Variants in RAB23 observed in about 807,000 individuals in gnomAD.
The protein encoded by RAB23 is ras-related protein Rab-23.
Under a neutral mutation model 30.0 loss-of-function variants are expected in RAB23, and 15 were observed. The ratio of observed to expected loss-of-function variants is 0.50; its 90% CI spans 0.33 to 0.77. The LOEUF is 0.77. Among genes scored for constraint, RAB23 ranks in the 30% least tolerant of loss-of-function variants. The probability of loss-of-function intolerance (pLI) is 0.02; values close to 1 mark genes in which losing one functional copy is unlikely to be tolerated. For synonymous variants in RAB23, 93 were observed against 94.0 expected (o/e 0.99, Z 0.06); for missense variants, 243 against 275.4 (o/e 0.88, Z 0.83).
intron 3 of RAB23, among the ~76,000 whole-genome samples, chr6:57,197,668 C>G (rs970819734): frequency 6.6e-6 from 1 of 152,140 alleles, no homozygotes; most frequent in African/African-American, 2.4e-5. Context: ...AGAAAGAAAA[C>G]AGCAGTTTGC....
intron 4 of RAB23, among the ~76,000 whole-genome samples, chr6:57,195,529 TCCACTAATATGCA>T (rs1764989601): frequency 6.6e-6 from 1 of 152,208 alleles, no homozygotes; most frequent in East Asian, 1.9e-4. Context: ...GGTCTGGGTG[TCCACTAATATGCA>T]ATACAAGGGA....
At position 57,191,216 on chromosome 6, in the gene RAB23, A is replaced by G. The variant is rs186318153; in HGVS notation, c.575-616T>C. Among the ~76,000 whole-genome samples the G allele has an allele frequency of 1.2e-4, 19 of 152,296 alleles. No homozygotes were observed. In the East Asian group the frequency reaches 3.3e-3, roughly 26 times the overall value. On this transcript the variant is annotated intron_variant, in intron 6 of 6. Transcript: ENST00000468148. ...AAGTTCCAAGGCTGTAAAAGAGGTC[A>G]CATTAGGGCTCTTTTTTACCCAGAT...
chr6:57,217,417 T>A (rs1765890166), intron 1 of RAB23, among the ~76,000 whole-genome samples: 1 of 152,084 alleles, frequency 6.6e-6, no homozygotes, highest in African/African-American at 2.4e-5. Context: ...GTTCAAACAA[T>A]CCTGCCTCAG....
At chr6:57,197,466 T>C (rs1450511740) in intron 3 of RAB23, among the ~76,000 whole-genome samples, 1 of 152,142 alleles carries the variant, frequency 6.6e-6, no homozygotes, top group African/African-American at 2.4e-5. Context: ...AAAATCATCC[T>C]GGGGGTCAAG....
chr6:57,188,346 CTCTT>C lies in RAB23; in HGVS notation c.*2111_*2114del, dbSNP rs904160453. On this transcript the variant is annotated 3_prime_UTR_variant, in exon 7 of 7. Coordinates refer to ENST00000468148, the MANE Select transcript of RAB23 (RefSeq NM_016277.5). ...AAATTCAAATATGTAACAAAGCTCT[CTCTT>C]CAGTTCTTATTTAAAAAAAGATAAA... is the stretch of plus-strand genomic sequence containing the variant. 6 of 152,148 alleles carry C rather than the reference CTCTT, an allele frequency of 3.9e-5. No homozygotes were observed. The South Asian group carries it at 1.0e-3, about 26-fold the overall frequency. 9.4% of individuals were successfully genotyped at this position (152,148 alleles called of 1,614,324 possible).
At chr6:57,207,941 A>T (rs574380666) in intron 2 of RAB23, among the ~76,000 whole-genome samples, 8 of 152,310 alleles carry the variant, frequency 5.3e-5, no homozygotes, top group African/African-American at 1.7e-4. Context: ...AACCACTGTA[A>T]ATTCAAAAAA....
At chr6:57,200,529 T>C (rs1416957396) in intron 3 of RAB23, among the ~76,000 whole-genome samples, 2 of 118,584 alleles carry the variant, frequency 1.7e-5, no homozygotes, top group African/African-American at 7.2e-5. Flanking sequence ...AGAGTGAGAC[T>C]CTGTCTCAAA....
At chr6:57,205,757 T>C (rs1355224211) in intron 3 of RAB23, among the ~76,000 whole-genome samples, 1 of 152,174 alleles carries the variant, frequency 6.6e-6, no homozygotes, top group East Asian at 1.9e-4. Flanking sequence ...CAGCAGATGA[T>C]GCTGGACAGA....
At chr6:57,209,438 A>T (rs927170628) in intron 2 of RAB23, among the ~76,000 whole-genome samples, 1 of 152,214 alleles carries the variant, frequency 6.6e-6, no homozygotes, top group East Asian at 1.9e-4. Flanking sequence ...TTGCTCTTAA[A>T]ATATGTTCTA....
chr6:57,220,587 T>C (rs1766016828), intron 1 of RAB23, among the ~76,000 whole-genome samples: 1 of 152,104 alleles, frequency 6.6e-6, no homozygotes, highest in African/African-American at 2.4e-5. Flanking sequence ...AAATTATCCA[T>C]ACATGAAACA....
Position 57,189,457 on chromosome 6 carries a change from A to AGAT in RAB23, c.*1001_*1003dup, listed in dbSNP as rs1366558256. On this transcript the variant is annotated 3_prime_UTR_variant, in exon 7 of 7. Coordinates refer to ENST00000468148, the MANE Select transcript of RAB23 (RefSeq NM_016277.5). The stretch of plus-strand genomic sequence containing the variant: ...TTCTCAGTGAGCAGCAAAAGGTGTT[A>AGAT]GATGCATCACCACACTTCACAGGAC... 3 of 152,228 alleles carry AGAT rather than the reference A, an allele frequency of 2.0e-5. No homozygotes were observed. The allele number at this position is 152,228 out of a possible 1,614,324, so 9.4% of individuals were successfully genotyped here. A position where few individuals can be genotyped will look rare whatever the true frequency, so the allele number is the denominator to read the frequency against.
At chr6:57,215,480 G>C (rs1765804601) in intron 1 of RAB23, among the ~76,000 whole-genome samples, 1 of 152,180 alleles carries the variant, frequency 6.6e-6, no homozygotes, top group Non-Finnish European at 1.5e-5. Flanking sequence ...AGGCCAGAAG[G>C]AAGTGGCACA....
intron 6 of RAB23, among the ~76,000 whole-genome samples, chr6:57,193,244 A>C (rs1764908165): frequency 6.6e-6 from 1 of 152,154 alleles, no homozygotes; most frequent in Admixed American, 6.5e-5. Flanking sequence ...TCTAAGTTAA[A>C]ACAGGTCCAG....
At chr6:57,204,948 A>G (rs999499443) in intron 3 of RAB23, among the ~76,000 whole-genome samples, 1 of 151,918 alleles carries the variant, frequency 6.6e-6, no homozygotes, top group African/African-American at 2.4e-5. Context: ...ATTTATAAAT[A>G]TAGATATATG....
rs1219699830 is a variant in RAB23, at chr6:57,222,063, G to C, written c.-403C>G. On this transcript the variant is annotated 5_prime_UTR_variant, in exon 1 of 7. Transcript: ENST00000468148. ...GCGGACCCGCCGCCCGGCGCCACCG[G>C]CTCCTCCTGGTCGCGGCGCAACCGC... The C allele has an allele frequency of 6.6e-6, 1 of 152,514 alleles. No individual in the cohort carries two copies. Among genetic ancestry groups the C allele is most frequent in the Admixed American group, 6.5e-5 (1 of 15,282 alleles). The allele number at this position is 152,514 out of a possible 1,614,324, so 9.4% of individuals were successfully genotyped here.
chr6:57,190,383 T>C lies in RAB23; in HGVS notation c.*78A>G, dbSNP rs1412089509. The C allele has an allele frequency of 2.6e-6, 4 of 1,551,598 alleles. No individual in the cohort carries two copies. The highest frequency in any genetic ancestry group is 2.2e-5 in the East Asian group (1 of 44,474). Reference sequence around the variant, plus strand: ...TAGGAGCAAAGTCTGCTGAAAACCTTGTAACATACCATGACAGCTGGATGG... The same window carrying C: ...TAGGAGCAAAGTCTGCTGAAAACCTCGTAACATACCATGACAGCTGGATGG... On this transcript the variant is annotated 3_prime_UTR_variant, in exon 7 of 7. Transcript: ENST00000468148.
At chr6:57,192,021 T>C (rs1407501697) in intron 6 of RAB23, among the ~76,000 whole-genome samples, 1 of 152,116 alleles carries the variant, frequency 6.6e-6, no homozygotes, top group Non-Finnish European at 1.5e-5. Flanking sequence ...TTTCTTTTTT[T>C]TTTTAAGAGA....
chr6:57,207,651 G>T lies in RAB23; in HGVS notation c.218C>A (p.Ala73Glu). Residue 73 changes from alanine to glutamate, a missense_variant, in exon 3 of 7, where the codon GCA (alanine) becomes GAA (glutamate). Ala to Glu is a moderately radical substitution (Grantham distance 107). Coordinates refer to ENST00000468148, the MANE Select transcript of RAB23 (RefSeq NM_016277.5). Reference protein sequence around the residue: ...WDTAGQEEFDAITKAYYRGAQ... With the variant: ...WDTAGQEEFDEITKAYYRGAQ... ...ACCTCGATAGTAGGCCTTTGTAATT[G>T]CATCAAATTCCTCCTGACCTGCAGT... 6.2e-7 allele frequency: 1 copy of T among 1,602,076 alleles called. No individual in the cohort carries two copies. The highest frequency in any genetic ancestry group is 8.6e-7 in the Non-Finnish European group (1 of 1,169,280).
chr6:57,196,057 C>A (rs994895562), intron 4 of RAB23, among the ~76,000 whole-genome samples: 4 of 151,982 alleles, frequency 2.6e-5, no homozygotes, highest in African/African-American at 9.7e-5. Flanking sequence ...TGAATCTGAA[C>A]CCTTAATTAA....
Sources: gnomAD v4.1 joint callset for allele counts (sites outside exome capture counted in the v4.1 genomes callset) on GRCh38, gnomAD v4.1.1 for gene constraint, MANE v1.5 for transcripts, NCBI Gene and HGNC (gene_info 2026-07-23, HGNC 2026-07-21) for gene names.